Variants in SYT14 observed in about 807,000 individuals in gnomAD.
SYT14 encodes the protein synaptotagmin 14.
A neutral mutation model predicts 74.2 loss-of-function variants in SYT14; 32 were observed. The observed-to-expected ratio is 0.43, with a 90% CI of 0.33 to 0.58. The LOEUF is 0.58. Ranked by LOEUF, SYT14 falls within the 20% of genes least tolerant of loss-of-function variation. The pLI is 0.05. For missense variants in SYT14, 791 were observed against 981.8 expected (o/e 0.81, Z 2.60); for synonymous variants, 298 against 337.7 (o/e 0.88, Z 1.29).
chr1:210,123,491 G>A (rs1271578382), intron 7 of SYT14, among the ~76,000 whole-genome samples: 1 of 152,208 alleles, frequency 6.6e-6, no homozygotes, highest in Non-Finnish European at 1.5e-5. Flanking sequence ...AAAAGCCTGT[G>A]AGATGTATAG....
intron 7 of SYT14, among the ~76,000 whole-genome samples, chr1:210,117,747 T>G (rs1232160899): frequency 6.6e-6 from 1 of 152,198 alleles, no homozygotes; most frequent in African/African-American, 2.4e-5. Flanking sequence ...GAAAGCCTTT[T>G]GTTTAAGTCA....
intron 1 of SYT14, among the ~76,000 whole-genome samples, chr1:209,941,083 A>G (rs1208654964): frequency 6.6e-6 from 1 of 152,204 alleles, no homozygotes; most frequent in African/African-American, 2.4e-5. Context: ...TACTCTTATT[A>G]GCTATGGCCC....
At chr1:210,171,303 C>T (rs904182888) in exon 10 of SYT14, 4 of 152,086 alleles carry the variant, frequency 2.6e-5, no homozygotes, top group African/African-American at 7.2e-5. Flanking sequence ...ATTAAAGTTG[C>T]TGCATCATCT....
chr1:210,053,320 A>G (rs2081037866), intron 5 of SYT14, among the ~76,000 whole-genome samples: 1 of 152,190 alleles, frequency 6.6e-6, no homozygotes, highest in African/African-American at 2.4e-5. Context: ...TTGAGAAGCA[A>G]CAGGTGGTTT....
intron 5 of SYT14, among the ~76,000 whole-genome samples, chr1:210,065,188 CA>C (rs2081274181): frequency 6.6e-6 from 1 of 151,980 alleles, no homozygotes; most frequent in African/African-American, 2.4e-5. Flanking sequence ...CTTTGATGCA[CA>C]AAAGTGCTTG....
intron 2 of SYT14, among the ~76,000 whole-genome samples, chr1:210,000,129 A>G (rs1230874273): frequency 6.6e-6 from 1 of 152,188 alleles, no homozygotes; most frequent in Admixed American, 6.5e-5. Context: ...TGTGGTGTAT[A>G]AAGTATTTGC....
intron 2 of SYT14, among the ~76,000 whole-genome samples, chr1:209,961,213 G>C (rs1284028938): frequency 1.3e-5 from 2 of 152,076 alleles, no homozygotes; most frequent in African/African-American, 4.8e-5. Context: ...GAACATAGTA[G>C]AAAAGTGTCT....
exon 10 of SYT14, chr1:210,169,172 A>G (rs1303763718): frequency 1.4e-5 from 2 of 147,108 alleles, no homozygotes; most frequent in South Asian, 2.2e-4. Context: ...AGTACATACC[A>G]TACAGTCATA....
chr1:210,071,789 G>A (rs2081399447), intron 5 of SYT14, among the ~76,000 whole-genome samples: 2 of 151,934 alleles, frequency 1.3e-5, no homozygotes, highest in African/African-American at 4.8e-5. Flanking sequence ...GATAAAAAAA[G>A]CTTCGATTCC....
chr1:209,990,553 A>ATATATATATGTG (rs2079658089), intron 2 of SYT14, among the ~76,000 whole-genome samples: 2 of 119,122 alleles, frequency 1.7e-5, no homozygotes, highest in African/African-American at 5.6e-5. Flanking sequence ...ATATATGTAT[A>ATATATATATGTG]TATATACGTA....
chr1:210,053,521 A>C (rs536728517), intron 5 of SYT14, among the ~76,000 whole-genome samples: 2 of 152,360 alleles, frequency 1.3e-5, no homozygotes, highest in African/African-American at 4.8e-5. Flanking sequence ...TATTAAGTCT[A>C]TGAAGAATGG....
At chr1:210,042,003 T>C (rs2080799686) in intron 5 of SYT14, among the ~76,000 whole-genome samples, 2 of 151,918 alleles carry the variant, frequency 1.3e-5, no homozygotes, top group African/African-American at 4.8e-5. Flanking sequence ...TGCTTAGTGA[T>C]AGGAGGAATG....
At chr1:210,139,860 C>T (rs1371559258) in intron 7 of SYT14, among the ~76,000 whole-genome samples, 1 of 152,154 alleles carries the variant, frequency 6.6e-6, no homozygotes, top group East Asian at 1.9e-4. Flanking sequence ...GGATATACCA[C>T]ATTTTGTTCA....
At position 210,135,591 on chromosome 1, in the gene SYT14, A is replaced by C. The variant is rs1021639620; in HGVS notation, c.2035-20130A>C. On this transcript the variant is annotated intron_variant, in intron 7 of 9. Transcript: ENST00000637265. ...TTTCTGGATCAGTTTTTATCAATTG[A>C]CTTTTTTTCCTTAATATGGGTTTTA... Among the ~76,000 whole-genome samples, 3 of 152,130 alleles carry C rather than the reference A, an allele frequency of 2.0e-5. No individual in the cohort carries two copies. In the South Asian group the frequency reaches 6.2e-4, roughly 32 times the overall value.
chr1:210,057,748 C>G (rs1025640336), intron 5 of SYT14, among the ~76,000 whole-genome samples: 5 of 152,104 alleles, frequency 3.3e-5, no homozygotes. Context: ...TGATCTCTTT[C>G]ATTTTGCATT....
At chr1:209,954,883 T>C (rs1034754393) in intron 2 of SYT14, among the ~76,000 whole-genome samples, 7 of 152,234 alleles carry the variant, frequency 4.6e-5, no homozygotes, top group Non-Finnish European at 1.0e-4. Context: ...TTTTTCTATT[T>C]TTAGTAGAGA....
At chr1:210,021,366 A>G in intron 5 of SYT14, 112 bp downstream of exon 4, 1 of 991,964 alleles carries the variant, frequency 1.0e-6, no homozygotes, top group South Asian at 1.4e-5. Context: ...CACATACAGT[A>G]CAGTCACATT....
intron 7 of SYT14, among the ~76,000 whole-genome samples, chr1:210,124,641 G>A (rs958782506): frequency 1.3e-5 from 2 of 152,156 alleles, no homozygotes; most frequent in Non-Finnish European, 2.9e-5. Context: ...TTAAGCTAAG[G>A]CTTCAAAATG....
chr1:210,157,283 A>C (rs948256280), intron 8 of SYT14, among the ~76,000 whole-genome samples: 3 of 151,510 alleles, frequency 2.0e-5, no homozygotes, highest in Non-Finnish European at 4.4e-5. Context: ...CTCTACAAAA[A>C]ATTTAAAAAT....
Sources: allele counts gnomAD v4.1 joint callset (sites outside exome capture counted in the v4.1 genomes callset), GRCh38; gene constraint gnomAD v4.1.1; transcripts MANE v1.5; gene names NCBI Gene and HGNC (gene_info 2026-07-23, HGNC 2026-07-21).